The following LINGO2 variants were observed in gnomAD, a reference collection of about 807,000 sequenced individuals.
The protein encoded by LINGO2 is leucine rich repeat and Ig domain containing 2.
Under a neutral mutation model 30.6 loss-of-function variants are expected in LINGO2, and 14 were observed. That is an observed-to-expected ratio of 0.46 (90% CI 0.30 to 0.72). The LOEUF (loss-of-function observed/expected upper bound fraction) is 0.72, where lower values mean the gene tolerates loss of function less well. Among genes scored for constraint, LINGO2 ranks in the 30% least tolerant of loss-of-function variants. The pLI is 0.07. For synonymous variants in LINGO2, 317 were observed against 288.5 expected (o/e 1.10, Z -1.00); for missense variants, 729 against 751.7 (o/e 0.97, Z 0.35).
intron 2 of LINGO2, among the ~76,000 whole-genome samples, chr9:28,446,800 A>C (rs1367012639): frequency 6.6e-6 from 1 of 152,238 alleles, no homozygotes; most frequent in Non-Finnish European, 1.5e-5. Context: ...AATACAAGTA[A>C]GCAAATAGGC....
chr9:28,052,798 G>A lies in LINGO2; in HGVS notation c.-86-40393C>T, dbSNP rs77495568. Among the ~76,000 whole-genome samples the A allele has an allele frequency of 5.0e-3, 764 of 152,136 alleles. 11 individuals are homozygous for A. Among genetic ancestry groups the A allele is most frequent in the African/African-American group, 0.018 (731 of 41,524 alleles). ...GAGACATCTTAGTTCTCAAGTACAT[G>A]ACATTTGGCATCAAAGGGTTTTCTT... On this transcript the variant is annotated intron_variant, in intron 4 of 5. Coordinates refer to ENST00000379992, the Ensembl canonical transcript of LINGO2.
At chr9:28,723,846 T>C in the LINGO2 span, among the ~76,000 whole-genome samples, 3 of 152,062 alleles carry the variant, frequency 2.0e-5, no homozygotes, top group African/African-American at 7.2e-5. Flanking sequence ...AAACTGACTT[T>C]GGGGCTACAT....
At chr9:29,023,597 A>T in the LINGO2 span, among the ~76,000 whole-genome samples, 1 of 152,144 alleles carries the variant, frequency 6.6e-6, no homozygotes, top group Non-Finnish European at 1.5e-5. Flanking sequence ...TCATACCTAA[A>T]TATAAAATTG....
At chr9:28,476,437 G>A (rs372952410) in intron 1 of LINGO2, among the ~76,000 whole-genome samples, 21 of 152,096 alleles carry the variant, frequency 1.4e-4, no homozygotes, top group African/African-American at 4.3e-4. Flanking sequence ...CACCACGCCC[G>A]GCTAATTTTT....
At chr9:28,735,506 T>C in the LINGO2 span, among the ~76,000 whole-genome samples, 1 of 152,172 alleles carries the variant, frequency 6.6e-6, no homozygotes, top group East Asian at 1.9e-4. Context: ...GGTGGTATCA[T>C]GCAGGCTTCT....
At chr9:28,361,899 T>A (rs1337915840) in intron 3 of LINGO2, among the ~76,000 whole-genome samples, 1 of 152,198 alleles carries the variant, frequency 6.6e-6, no homozygotes, top group African/African-American at 2.4e-5. Flanking sequence ...AATCTCGGGT[T>A]GAGTGATTTT....
At chr9:28,898,821 C>T in the LINGO2 span, among the ~76,000 whole-genome samples, 1 of 152,034 alleles carries the variant, frequency 6.6e-6, no homozygotes, top group Non-Finnish European at 1.5e-5. Context: ...CTATAGGGTG[C>T]TAGGCTTAGT....
chr9:28,986,786 A>C, the LINGO2 span, among the ~76,000 whole-genome samples: 2 of 152,070 alleles, frequency 1.3e-5, no homozygotes, highest in African/African-American at 4.8e-5. Context: ...AACCTAATTT[A>C]GAATAAAGTT....
chr9:28,829,224 G>T, the LINGO2 span, among the ~76,000 whole-genome samples: 1 of 152,110 alleles, frequency 6.6e-6, no homozygotes, highest in Admixed American at 6.5e-5. Context: ...GACTTCAGGG[G>T]AAGAATACCT....
At chr9:28,385,148 C>G (rs1046751995) in intron 2 of LINGO2, among the ~76,000 whole-genome samples, 1 of 152,150 alleles carries the variant, frequency 6.6e-6, no homozygotes, top group Admixed American at 6.6e-5. Context: ...GCATTGAAGA[C>G]TTCTAAGAAT....
intron 4 of LINGO2, among the ~76,000 whole-genome samples, chr9:28,265,511 T>C (rs964424926): frequency 6.6e-6 from 1 of 152,042 alleles, no homozygotes; most frequent in Non-Finnish European, 1.5e-5. Context: ...GTAGAATAGA[T>C]ACAATTTAAT....
chr9:28,290,026 G>A (rs556703182), intron 4 of LINGO2, among the ~76,000 whole-genome samples: 87 of 152,286 alleles, frequency 5.7e-4, no homozygotes, highest in African/African-American at 2.0e-3. Flanking sequence ...CCATGTACAT[G>A]TCTTCCTTTC....
chr9:28,200,610 T>A (rs1820195114), intron 4 of LINGO2, among the ~76,000 whole-genome samples: 1 of 152,218 alleles, frequency 6.6e-6, no homozygotes. Context: ...ATGACTCTCA[T>A]TATGGAAGAT....
the LINGO2 span, among the ~76,000 whole-genome samples, chr9:28,725,224 T>C: frequency 6.6e-6 from 1 of 152,032 alleles, no homozygotes; most frequent in Non-Finnish European, 1.5e-5. Flanking sequence ...ATTTTTCTAT[T>C]TCAAACAGAT....
chr9:28,867,127 T>A, the LINGO2 span, among the ~76,000 whole-genome samples: 1 of 152,144 alleles, frequency 6.6e-6, no homozygotes, highest in Non-Finnish European at 1.5e-5. Context: ...AGTTAAGGGC[T>A]AAATCACACC....
At chr9:28,080,225 G>A (rs796946842) in intron 4 of LINGO2, among the ~76,000 whole-genome samples, 11 of 152,214 alleles carry the variant, frequency 7.2e-5, no homozygotes, top group African/African-American at 2.4e-4. Context: ...TTTGCTTAAC[G>A]TTATTTTATG....
At chr9:28,262,041 C>T (rs533079550) in intron 4 of LINGO2, among the ~76,000 whole-genome samples, 2 of 151,978 alleles carry the variant, frequency 1.3e-5, no homozygotes, top group African/African-American at 4.8e-5. Context: ...TGTTAATACA[C>T]GAAGTACAGA....
intron 2 of LINGO2, among the ~76,000 whole-genome samples, chr9:28,429,403 C>A (rs1823553246): frequency 6.6e-6 from 1 of 152,088 alleles, no homozygotes; most frequent in African/African-American, 2.4e-5. Flanking sequence ...CAAAGATATT[C>A]CCTTATGTTA....
intron 1 of LINGO2, among the ~76,000 whole-genome samples, chr9:28,509,934 C>T (rs1425016607): frequency 6.6e-6 from 1 of 152,210 alleles, no homozygotes; most frequent in African/African-American, 2.4e-5. Context: ...ACAAATAGCA[C>T]TATACTAACA....
Sources: allele counts gnomAD v4.1 joint callset (sites outside exome capture counted in the v4.1 genomes callset), GRCh38; gene constraint gnomAD v4.1.1; transcripts MANE v1.5; gene names NCBI Gene and HGNC (gene_info 2026-07-23, HGNC 2026-07-21).